Variants in WNK2 observed in about 807,000 individuals in gnomAD.
WNK2 encodes serine/threonine-protein kinase WNK2.
Under a neutral mutation model 192.1 loss-of-function variants are expected in WNK2, and 67 were observed. That is an observed-to-expected ratio of 0.35 (90% CI 0.29 to 0.43). WNK2 has a LOEUF of 0.43. Ranked by LOEUF, WNK2 falls within the 20% of genes least tolerant of loss-of-function variation. WNK2 has a pLI of 1.00. For synonymous variants in WNK2, 1,439 were observed against 1,393.9 expected, an observed-to-expected ratio of 1.03 and a Z score of -0.72; for missense variants, 2,698 against 3,089.7, an observed-to-expected ratio of 0.87 and a Z score of 3.01.
At chr9:93,205,892 C>G (rs962527811) in intron 2 of WNK2, among the ~76,000 whole-genome samples, 3 of 152,066 alleles carry the variant, frequency 2.0e-5, no homozygotes, top group African/African-American at 7.2e-5. Flanking sequence ...GTCTCAGGCT[C>G]CAGACGTACT....
chr9:93,256,835 C>A (rs935129059), intron 10 of WNK2, 113 bp from the exon 11 acceptor site: 2 of 951,110 alleles, frequency 2.1e-6, no homozygotes, highest in Non-Finnish European at 3.1e-6. Flanking sequence ...TGAATGTGAG[C>A]ATGTGCGTGT....
At position 93,289,095 on chromosome 9, in the gene WNK2, G is replaced by A; in HGVS notation, c.4341G>A (p.Gln1447=). The A allele has an allele frequency of 1.2e-6, 2 of 1,608,264 alleles. No individual in the cohort carries two copies. Among genetic ancestry groups the A allele is most frequent in the South Asian group, 1.1e-5 (1 of 90,336 alleles). ...AETHEAPLAV[Q]PLVVGLAPCT... Reference sequence around the variant, plus strand: ...CTCACGAGGCCCCGCTTGCTGTGCAGCCCCTCGTGGTGGGCCTAGCACCTT... The same window carrying A: ...CTCACGAGGCCCCGCTTGCTGTGCAACCCCTCGTGGTGGGCCTAGCACCTT... Residue 1447 remains glutamine, a synonymous_variant, in exon 20 of 30, where the codon CAG becomes CAA. Coordinates refer to ENST00000427277, the MANE Select transcript of WNK2 (RefSeq NM_006648.4).
In WNK2 at chr9:93,292,299, TTC is replaced by T; in HGVS notation, c.4937-8_4937-7del. On this transcript the variant is annotated splice_region_variant and splice_polypyrimidine_tract_variant and intron_variant, in intron 21 of 29. Coordinates refer to ENST00000427277, the MANE Select transcript of WNK2 (RefSeq NM_006648.4). ...TTCAGCCCCAGTAACGTTTCTGATG[TTC>T]CCATAGCAGAGTCGTCTCCCAGGAG... The T allele has an allele frequency of 6.2e-7, 1 of 1,613,786 alleles. No homozygotes were observed.
Position 93,289,184 on chromosome 9 carries a change from C to T in WNK2, c.4430C>T (p.Pro1477Leu). The T allele has an allele frequency of 8.1e-6, 13 of 1,601,546 alleles. No individual in the cohort carries two copies. Among genetic ancestry groups the T allele is most frequent in the Non-Finnish European group, 1.1e-5 (13 of 1,176,136 alleles). ...DASAPREPLP[P>L]PAPEPSPHSG... ...AGTGCCCCAAGGGAGCCCCTGCCAC[C>T]TCCTGCACCTGAGCCCAGCCCCCAC... Residue 1477 changes from proline (P) to leucine (L), a missense_variant, in exon 20 of 30, where the codon CCT becomes CTT. Physicochemically the swap from Pro to Leu is moderately conservative, Grantham distance 98. Around this residue, in one of 7 missense-constraint regions of WNK2, gnomAD observed 1,098 missense variants for 1,101.0 expected, o/e 1.00. Transcript: ENST00000427277.
chr9:93,281,866 G>C (rs1305781849), intron 19 of WNK2, among the ~76,000 whole-genome samples: 2 of 152,150 alleles, frequency 1.3e-5, no homozygotes, highest in African/African-American at 4.8e-5. Context: ...AGTGCTGAAG[G>C]AAATAAGCCC....
Position 93,231,658 on chromosome 9 carries a change from A to G in WNK2, c.1075+550A>G, listed in dbSNP as rs559232419. Among the ~76,000 whole-genome samples, 840 of 152,382 alleles carry G rather than the reference A, an allele frequency of 5.5e-3. 2 individuals carry two copies. The highest frequency in any genetic ancestry group is 9.3e-3 in the Non-Finnish European group (635 of 68,032). On this transcript the variant is annotated intron_variant, in intron 4 of 29. Transcript: ENST00000427277. ...TCCACATACCTGCGGGGCGGGGCACAGAGCAGGCGTTGTGCACAGGATAGG... is the reference window on the plus strand; with the variant it reads ...TCCACATACCTGCGGGGCGGGGCACGGAGCAGGCGTTGTGCACAGGATAGG...
intron 11 of WNK2, among the ~76,000 whole-genome samples, chr9:93,258,012 C>G (rs535181599): frequency 6.6e-6 from 1 of 152,228 alleles, no homozygotes; most frequent in African/African-American, 2.4e-5. Flanking sequence ...CTGTGATTCA[C>G]GAGCCCCACC....
intron 2 of WNK2, among the ~76,000 whole-genome samples, chr9:93,195,699 CAAAAAAAAAAAA>C (rs59357990): frequency 7.2e-5 from 3 of 41,664 alleles, no homozygotes; most frequent in Admixed American, 3.7e-4. Flanking sequence ...GACTTTGTCT[CAAAAAAAAAAAA>C]AAAAAAAAAA....
At chr9:93,190,495 A>G (rs1830144142) in intron 2 of WNK2, among the ~76,000 whole-genome samples, 2 of 152,262 alleles carry the variant, frequency 1.3e-5, no homozygotes, top group African/African-American at 4.8e-5. Flanking sequence ...GGACCCCAGC[A>G]CTGGCTCAGA....
intron 9 of WNK2, among the ~76,000 whole-genome samples, chr9:93,254,151 A>G (rs1842962289): frequency 2.0e-5 from 3 of 152,164 alleles, no homozygotes. Context: ...TCCGGACCTC[A>G]GGTGATCCTC....
chr9:93,253,566 C>T (rs914475831), intron 9 of WNK2, among the ~76,000 whole-genome samples: 2 of 152,126 alleles, frequency 1.3e-5, no homozygotes, highest in Non-Finnish European at 2.9e-5. Context: ...ACCTGAGATT[C>T]GATCTAGCTG....
chr9:93,259,320 C>A lies in WNK2; in HGVS notation c.2772C>A (p.Val924=). 1 of 1,613,694 alleles carries A rather than the reference C, an allele frequency of 6.2e-7. No homozygotes were observed. The highest frequency in any genetic ancestry group is 1.6e-4 in the Middle Eastern group (1 of 6,062). ...AAFPQMAPTD[V]PPSPHHTVQN... Reference sequence around the variant, plus strand: ...TCCCACAGATGGCGCCTACTGACGTCCCTCCTTCCCCCCATCACACGGTGC... The same window carrying A: ...TCCCACAGATGGCGCCTACTGACGTACCTCCTTCCCCCCATCACACGGTGC... The change falls in exon 12 of 30, where the codon GTC becomes GTA. Residue 924 remains valine (V), a synonymous_variant. Coordinates refer to ENST00000427277, the MANE Select transcript of WNK2 (RefSeq NM_006648.4). The surrounding 1 kb of genome is among the most constrained non-coding windows in gnomAD (Gnocchi z 4.8).
At chr9:93,235,975 T>A (rs1287050970) in intron 5 of WNK2, among the ~76,000 whole-genome samples, 3 of 152,214 alleles carry the variant, frequency 2.0e-5, no homozygotes, top group African/African-American at 7.2e-5. Flanking sequence ...GAGCCCCTCC[T>A]GTGTGCCCCT....
rs147012960 is a variant in WNK2, at chr9:93,197,385, C to T, written c.681+11775C>T. ...GGATCCAGGAGCCAGTCAAGGATCACGTGTTGTGTCTGGTTGTCATGTCAA... is the reference window on the plus strand; with the variant it reads ...GGATCCAGGAGCCAGTCAAGGATCATGTGTTGTGTCTGGTTGTCATGTCAA... On this transcript the variant is annotated intron_variant, in intron 2 of 29. Coordinates refer to ENST00000427277, the MANE Select transcript of WNK2 (RefSeq NM_006648.4). 9.3e-4 allele frequency among the ~76,000 whole-genome samples: 141 copies of T among 152,326 alleles called. 1 individual carries two copies. Among genetic ancestry groups the T allele is most frequent in the East Asian group, 3.9e-4 (2 of 5,180 alleles).
chr9:93,297,804 G>A (rs1850863800), intron 23 of WNK2, 49 bp from the exon 24 acceptor site: 3 of 1,520,878 alleles, frequency 2.0e-6, no homozygotes, highest in African/African-American at 1.4e-5. Context: ...TGGCGGTGTT[G>A]GAAACACCGA....
At chr9:93,280,024 A>G (rs1281049172) in intron 19 of WNK2, among the ~76,000 whole-genome samples, 2 of 152,244 alleles carry the variant, frequency 1.3e-5, no homozygotes, top group African/African-American at 4.8e-5. Context: ...ACATCAAAGC[A>G]TGATCTGTAA....
chr9:93,217,060 G>A (rs967474195), intron 2 of WNK2, among the ~76,000 whole-genome samples: 2 of 151,892 alleles, frequency 1.3e-5, no homozygotes, highest in Non-Finnish European at 2.9e-5. Flanking sequence ...CCAGGTTCAA[G>A]CGATTGTCCT....
Position 93,239,931 on chromosome 9 carries a change from C to T in WNK2, c.1497C>T (p.Thr499=). The T allele has an allele frequency of 6.2e-7, 1 of 1,612,322 alleles. No homozygotes were observed. The highest frequency in any genetic ancestry group is 8.5e-7 in the Non-Finnish European group (1 of 1,179,242). Residue 499 remains threonine, a synonymous_variant, in exon 7 of 30, where the codon ACC becomes ACT. Coordinates refer to ENST00000427277, the MANE Select transcript of WNK2 (RefSeq NM_006648.4). The surrounding 1 kb of genome is among the most constrained non-coding windows in gnomAD (Gnocchi z 4.2). Reference sequence around the variant, plus strand: ...AGGACAATGGAGCCATAGAGTTCACCTTCGACCTGGAGAAGGAGACGCCGG... The same window carrying T: ...AGGACAATGGAGCCATAGAGTTCACTTTCGACCTGGAGAAGGAGACGCCGG... The part of the protein sequence containing the change: ...KPKDNGAIEF[T]FDLEKETPDE...
intron 2 of WNK2, among the ~76,000 whole-genome samples, chr9:93,212,117 A>G (rs1397405643): frequency 6.6e-6 from 1 of 152,206 alleles, no homozygotes; most frequent in Non-Finnish European, 1.5e-5. Context: ...TTCCTCATTC[A>G]TTAGTTGTTT....
Sources: gnomAD v4.1 joint callset for allele counts (sites outside exome capture counted in the v4.1 genomes callset) on GRCh38, gnomAD v4.1.1 for gene constraint, gnomAD v4.1.1 regional missense constraint, Gnocchi (gnomAD v3.1) non-coding constraint, MANE v1.5 for transcripts, NCBI Gene and HGNC (gene_info 2026-07-23, HGNC 2026-07-21) for gene names.